Variants in CAST observed in about 807,000 individuals in gnomAD.
CAST encodes calpastatin, also known as MIR583 host.
CAST carries 76 observed loss-of-function variants against 119.6 expected under a neutral mutation model. The observed-to-expected ratio is 0.64, with a 90% CI of 0.53 to 0.77. The LOEUF (loss-of-function observed/expected upper bound fraction) is 0.77, where lower values mean the gene tolerates loss of function less well. CAST is among the 30% of genes least tolerant of loss of function. CAST has a pLI of 0.00. For missense variants in CAST, 953 were observed against 946.5 expected, an observed-to-expected ratio of 1.01 and a Z score of -0.09; for synonymous variants, 319 against 331.6, an observed-to-expected ratio of 0.96 and a Z score of 0.41.
chr5:96,510,335 G>A, the CAST span, among the ~76,000 whole-genome samples: 1 of 152,178 alleles, frequency 6.6e-6, no homozygotes, highest in Admixed American at 6.5e-5. Context: ...GATTCTAGCT[G>A]CTTTTCAGTA....
At chr5:96,202,659 A>C in the CAST span, among the ~76,000 whole-genome samples, 1 of 152,112 alleles carries the variant, frequency 6.6e-6, no homozygotes, top group Non-Finnish European at 1.5e-5. Context: ...ATTTGTGCAA[A>C]AGATAGCATT....
chr5:96,030,550 G>A, the CAST span, among the ~76,000 whole-genome samples: 1 of 152,120 alleles, frequency 6.6e-6, no homozygotes, highest in African/African-American at 2.4e-5. Flanking sequence ...CTGTAAGTAT[G>A]GACAGCAAGC....
chr5:96,335,668 C>T, the CAST span, among the ~76,000 whole-genome samples: 1 of 152,218 alleles, frequency 6.6e-6, no homozygotes, highest in Admixed American at 6.5e-5. Flanking sequence ...GCTTTAGGCT[C>T]ACCAATTCCA....
the CAST span, among the ~76,000 whole-genome samples, chr5:96,292,155 TC>T: frequency 1.3e-5 from 2 of 152,134 alleles, no homozygotes; most frequent in South Asian, 2.1e-4. Flanking sequence ...AACAGAGGCT[TC>T]AAGCTTTACC....
the CAST span, among the ~76,000 whole-genome samples, chr5:96,224,160 T>C: frequency 6.6e-6 from 1 of 152,180 alleles, no homozygotes; most frequent in Non-Finnish European, 1.5e-5. Flanking sequence ...TGGATCAAAG[T>C]GACTGAAAAC....
At chr5:96,729,767 GATA>G (rs1760068583) in intron 8 of CAST, 42 bp downstream of exon 8, 1 of 833,042 alleles carries the variant, frequency 1.2e-6, no homozygotes, top group Non-Finnish European at 2.1e-6. Context: ...ACATCAACTG[GATA>G]ATAAGATACG....
the CAST span, among the ~76,000 whole-genome samples, chr5:96,322,804 A>G: frequency 5.3e-3 from 800 of 152,238 alleles, 9 homozygotes; most frequent in African/African-American, 0.017. Context: ...ATATCAGAAA[A>G]TTACTAGATT....
intron 1 of CAST, among the ~76,000 whole-genome samples, chr5:96,604,012 C>T (rs1462961847): frequency 1.3e-5 from 2 of 152,064 alleles, no homozygotes; most frequent in African/African-American, 4.8e-5. Context: ...CAATCTTCCC[C>T]CCTCAGCTTC....
chr5:96,227,910 A>C, the CAST span, among the ~76,000 whole-genome samples: 18 of 152,214 alleles, frequency 1.2e-4, no homozygotes, highest in Non-Finnish European at 1.8e-4. Context: ...AGTATGGTGG[A>C]TTTTGTCACT....
intron 1 of CAST, among the ~76,000 whole-genome samples, chr5:96,577,866 G>A (rs969864434): frequency 2.8e-4 from 43 of 151,962 alleles, no homozygotes; most frequent in African/African-American, 9.7e-4. Flanking sequence ...TGGAATCTTC[G>A]TTCTATTATG....
the CAST span, chr5:96,423,172 G>T: frequency 2.6e-6 from 2 of 763,310 alleles, no homozygotes; most frequent in Non-Finnish European, 4.6e-6. Context: ...CTAGTGGGAA[G>T]TGGGAGAAGG....
the CAST span, among the ~76,000 whole-genome samples, chr5:96,219,928 C>G: frequency 6.6e-6 from 1 of 152,206 alleles, no homozygotes; most frequent in East Asian, 1.9e-4. Context: ...CTGTCAGAGC[C>G]TGTACAAAGG....
At chr5:96,418,284 C>A in the CAST span, among the ~76,000 whole-genome samples, 11 of 152,178 alleles carry the variant, frequency 7.2e-5, no homozygotes, top group Non-Finnish European at 1.2e-4. Flanking sequence ...CAGTAAAGAA[C>A]TTTCTATTAT....
the CAST span, among the ~76,000 whole-genome samples, chr5:96,072,924 A>C: frequency 1.3e-5 from 2 of 152,250 alleles, no homozygotes; most frequent in Admixed American, 1.3e-4. Flanking sequence ...TCATGGGAAC[A>C]TGACCACTTG....
chr5:96,571,708 T>A (rs988302216), intron 1 of CAST, among the ~76,000 whole-genome samples: 3 of 151,850 alleles, frequency 2.0e-5, no homozygotes, highest in African/African-American at 7.3e-5. Context: ...CTAGAGGGGG[T>A]TTTTGACCAA....
At chr5:96,458,982 T>A in the CAST span, among the ~76,000 whole-genome samples, 1 of 152,170 alleles carries the variant, frequency 6.6e-6, no homozygotes, top group African/African-American at 2.4e-5. Context: ...AAATTAGTTT[T>A]AACGTCCTTG....
At chr5:96,512,875 T>C in the CAST span, among the ~76,000 whole-genome samples, 1 of 152,224 alleles carries the variant, frequency 6.6e-6, no homozygotes, top group African/African-American at 2.4e-5. Flanking sequence ...AAACGAAGAT[T>C]TTTTTCAGTT....
chr5:96,765,135 T>C (rs976976822), intron 25 of CAST, 86 bp from the exon 26 acceptor site: 7 of 777,814 alleles, frequency 9.0e-6, no homozygotes, highest in Admixed American at 4.1e-5. Context: ...ACAGGTTCCC[T>C]CCTGAAAAGA....
chr5:96,111,469 C>T, the CAST span, among the ~76,000 whole-genome samples: 3 of 152,186 alleles, frequency 2.0e-5, no homozygotes, highest in Admixed American at 6.5e-5. Flanking sequence ...CCTCTTCCCT[C>T]CCCAGATGGG....
Sources: gnomAD v4.1 joint callset for allele counts (sites outside exome capture counted in the v4.1 genomes callset) on GRCh38, gnomAD v4.1.1 for gene constraint, MANE v1.5 for transcripts, NCBI Gene and HGNC (gene_info 2026-07-23, HGNC 2026-07-21) for gene names.